The following PRIM2 variants were observed in gnomAD, a reference collection of about 807,000 sequenced individuals.
The protein encoded by PRIM2 is DNA primase large subunit.
A neutral mutation model predicts 67.3 loss-of-function variants in PRIM2; 39 were observed. The ratio of observed to expected loss-of-function variants is 0.58; its 90% CI spans 0.45 to 0.76. The LOEUF (loss-of-function observed/expected upper bound fraction) is 0.76, where lower values mean the gene tolerates loss of function less well. Among genes scored for constraint, PRIM2 ranks in the 30% least tolerant of loss-of-function variants. The pLI, the probability that PRIM2 is intolerant of heterozygous loss-of-function variation, is 0.00. For missense variants in PRIM2, 398 were observed against 598.7 expected, an observed-to-expected ratio of 0.66 and a Z score of 3.50; for synonymous variants, 143 against 198.7, an observed-to-expected ratio of 0.72 and a Z score of 2.36.
intron 7 of PRIM2, among the ~76,000 whole-genome samples, chr6:57,470,489 A>G (rs1422693017): frequency 1.9e-5 from 2 of 104,420 alleles, no homozygotes; most frequent in Non-Finnish European, 3.9e-5. Context: ...GGCAAAGAGT[A>G]ATCTTTAGGC....
At chr6:57,235,979 C>A in the PRIM2 span, among the ~76,000 whole-genome samples, 5 of 152,126 alleles carry the variant, frequency 3.3e-5, no homozygotes, top group Non-Finnish European at 7.3e-5. Flanking sequence ...ACCCTACTTC[C>A]ACTTTGATTT....
the PRIM2 span, among the ~76,000 whole-genome samples, chr6:57,308,367 C>T: frequency 1.3e-5 from 2 of 152,158 alleles, no homozygotes; most frequent in African/African-American, 2.4e-5. Context: ...CAGTGTTCCA[C>T]CCTCCTCAGC....
Position 57,351,220 on chromosome 6 carries a change from C to T in PRIM2, c.459+25175C>T, listed in dbSNP as rs1768847917. 2.0e-5 allele frequency among the ~76,000 whole-genome samples: 3 copies of T among 151,910 alleles called. No individual in the cohort carries two copies. In the Middle Eastern group the frequency reaches 0.01, roughly 517 times the overall value. On this transcript the variant is annotated intron_variant, in intron 5 of 13. Transcript: ENST00000615550. ...CAGATTTTGGAAAGTTTATCTTATA[C>T]ACTTACTGGTTGAGCATCTGAAAAT...
chr6:57,395,578 G>T (rs1022103967), intron 7 of PRIM2, among the ~76,000 whole-genome samples: 2 of 152,000 alleles, frequency 1.3e-5, no homozygotes, highest in African/African-American at 4.8e-5. Flanking sequence ...CTTGCTAATG[G>T]TCTATTAATT....
chr6:57,451,751 A>G (rs1270702799), intron 7 of PRIM2, among the ~76,000 whole-genome samples: 1 of 147,534 alleles, frequency 6.8e-6, no homozygotes, highest in East Asian at 2.0e-4. Flanking sequence ...CTTTTTTCTA[A>G]CTACATACTG....
chr6:57,391,807 G>A lies in PRIM2; in HGVS notation c.693+9639G>A, dbSNP rs9357957. On this transcript the variant is annotated intron_variant, in intron 7 of 13. Coordinates refer to ENST00000615550, the MANE Select transcript of PRIM2 (RefSeq NM_000947.5). ...AAATTGGTAGTGTGATGCCTCAAGCGTTGTTCTTTCTGCTTAGGATTGCCT... is the reference window on the plus strand; with the variant it reads ...AAATTGGTAGTGTGATGCCTCAAGCATTGTTCTTTCTGCTTAGGATTGCCT... 2.3e-3 allele frequency among the ~76,000 whole-genome samples: 353 copies of A among 152,148 alleles called. 1 individual carries two copies. Among genetic ancestry groups the A allele is most frequent in the Middle Eastern group, 3.4e-3 (1 of 294 alleles).
intron 7 of PRIM2, among the ~76,000 whole-genome samples, chr6:57,418,162 T>C (rs1395667893): frequency 2.0e-5 from 3 of 151,908 alleles, no homozygotes; most frequent in Admixed American, 1.3e-4. Context: ...AAAATGGCCA[T>C]GTAAAAATGC....
At chr6:57,305,175 A>G in the PRIM2 span, among the ~76,000 whole-genome samples, 1 of 107,922 alleles carries the variant, frequency 9.3e-6, no homozygotes, top group African/African-American at 4.7e-5. Context: ...TAACAGGATC[A>G]TATTTACAAC....
intron 5 of PRIM2, among the ~76,000 whole-genome samples, chr6:57,370,296 T>C: frequency 6.6e-6 from 1 of 152,320 alleles, no homozygotes; most frequent in South Asian, 2.1e-4. Flanking sequence ...AAATGAAATA[T>C]CCTTATATTT....
At chr6:57,529,457 C>T (rs1273756137) in intron 8 of PRIM2, among the ~76,000 whole-genome samples, 4 of 152,102 alleles carry the variant, frequency 2.6e-5, no homozygotes, top group African/African-American at 7.2e-5. Flanking sequence ...TTCACTGAAA[C>T]AATTATCTGG....
At chr6:57,578,669 G>GTTT (rs1582000493) in intron 10 of PRIM2, among the ~76,000 whole-genome samples, 1 of 112,024 alleles carries the variant, frequency 8.9e-6, no homozygotes, top group Non-Finnish European at 1.7e-5. Flanking sequence ...TCCTTCTTTT[G>GTTT]TTTTTTGTTT....
At chr6:57,388,835 G>C (rs987538962) in intron 7 of PRIM2, among the ~76,000 whole-genome samples, 7 of 152,262 alleles carry the variant, frequency 4.6e-5, no homozygotes, top group African/African-American at 1.7e-4. Flanking sequence ...TACACAAATG[G>C]AGATGGCAAG....
At chr6:57,383,232 C>T (rs911620689) in intron 7 of PRIM2, 13 of 152,038 alleles carry the variant, frequency 8.6e-5, no homozygotes, top group Non-Finnish European at 1.8e-4. Flanking sequence ...TGATACTTGT[C>T]TACTGTTTGG....
chr6:57,644,696 A>T (rs1430661379), intron 13 of PRIM2, among the ~76,000 whole-genome samples: 2 of 152,230 alleles, frequency 1.3e-5, no homozygotes, highest in Non-Finnish European at 2.9e-5. Context: ...ACGTAAAAGG[A>T]TTAGTTAATA....
At chr6:57,229,226 A>T in the PRIM2 span, among the ~76,000 whole-genome samples, 1 of 152,292 alleles carries the variant, frequency 6.6e-6, no homozygotes, top group Non-Finnish European at 1.5e-5. Flanking sequence ...AGAGAGGCTG[A>T]TCCTAAACCC....
chr6:57,432,931 A>G (rs987343439), intron 7 of PRIM2, among the ~76,000 whole-genome samples: 7 of 152,090 alleles, frequency 4.6e-5, no homozygotes, highest in Admixed American at 4.6e-4. Flanking sequence ...TTTAGTTCAC[A>G]ATACAAGTAA....
the PRIM2 span, among the ~76,000 whole-genome samples, chr6:57,268,875 C>T: frequency 6.7e-6 from 1 of 148,388 alleles, no homozygotes; most frequent in African/African-American, 2.5e-5. Context: ...TGAGTGAGAA[C>T]ATGCGGTGTT....
chr6:57,386,137 G>A (rs1003451212), intron 7 of PRIM2, among the ~76,000 whole-genome samples: 4 of 151,822 alleles, frequency 2.6e-5, no homozygotes, highest in Non-Finnish European at 5.9e-5. Context: ...TGTAACCCTC[G>A]TCCTTTGGGA....
the PRIM2 span, among the ~76,000 whole-genome samples, chr6:57,261,175 A>G: frequency 5.3e-5 from 8 of 152,234 alleles, no homozygotes; most frequent in East Asian, 1.5e-3. Context: ...GAAGAGATTT[A>G]ATACCAGGAG....
Sources: allele counts gnomAD v4.1 joint callset (sites outside exome capture counted in the v4.1 genomes callset), GRCh38; gene constraint gnomAD v4.1.1; transcripts MANE v1.5; gene names NCBI Gene and HGNC (gene_info 2026-07-23, HGNC 2026-07-21).